The following CXCR3 variants were observed in gnomAD, a reference collection of about 807,000 sequenced individuals.
CXCR3 encodes the protein C-X-C motif chemokine receptor 3, also known as C-X-C chemokine receptor type 3.
For missense variants in CXCR3, 239 were observed against 310.2 expected (o/e 0.77, Z 1.72); for synonymous variants, 136 against 148.0 (o/e 0.92, Z 0.59).
chrX:71,617,229 C>A lies in CXCR3; in HGVS notation c.243G>T (p.Arg81=), dbSNP rs758505277. 13 of 1,198,657 alleles carry A rather than the reference C, an allele frequency of 1.1e-5. 1 individual carries two copies. The highest frequency in any genetic ancestry group is 9.1e-5 in the Admixed American group (4 of 43,966). ...NGAVAAVLLS[R]RTALSSTDTF... is the part of the protein sequence containing the mutation. ...TGTCGGTGCTGCTCAGGGCTGTCCG[C>A]CGGCTCAGCAGCACGGCTGCCACCG... Residue 81 remains arginine (R), a synonymous_variant, in exon 2 of 2, where the codon CGG becomes CGT. Coordinates refer to ENST00000373693, the MANE Select transcript of CXCR3 (RefSeq NM_001504.2).
rs1251674183 is a variant in CXCR3 at position 71,617,001 on chromosome X, G to C, written c.471C>G (p.Thr157=). Residue 157 remains threonine (T), a synonymous_variant, in exon 2 of 2, where the codon ACC becomes ACG. Coordinates refer to ENST00000373693, the MANE Select transcript of CXCR3 (RefSeq NM_001504.2). ...CCGGGGGCCCCCGGCGGTAGAGCTG[G>C]GTGGCATGAACTATGTTCAGGTAGC... ...FDRYLNIVHA[T]QLYRRGPPAR... The C allele has an allele frequency of 2.5e-6, 3 of 1,209,933 alleles. No individual in the cohort carries two copies. Among genetic ancestry groups the C allele is most frequent in the Non-Finnish European group, 3.4e-6 (3 of 894,440 alleles).
At chrX:71,617,789 C>T in intron 1 of CXCR3, 1 of 862,966 alleles carries the variant, frequency 1.2e-6, no homozygotes, top group Non-Finnish European at 1.5e-6. Flanking sequence ...TTCAGGCTTG[C>T]CTTGCGTCCT....
chrX:71,617,859 C>T (rs1222209325), intron 1 of CXCR3, among the ~76,000 whole-genome samples: 2 of 107,671 alleles, frequency 1.9e-5, no homozygotes, highest in Non-Finnish European at 3.9e-5. Flanking sequence ...TCTCCACAAT[C>T]CCCTTTTCCA....
chrX:71,616,155 C>T lies in CXCR3; in HGVS notation c.*210G>A, dbSNP rs1320776028. ...TGGGGCTCCAGGCAGCCACCTCGGG[C>T]GGCAGGATGGGGCTTGGCAGCTAAG... is the stretch of plus-strand genomic sequence containing the variant. On this transcript the variant is annotated 3_prime_UTR_variant, in exon 2 of 2. Transcript: ENST00000373693. 6 of 448,636 alleles carry T rather than the reference C, an allele frequency of 1.3e-5. No homozygotes were observed. The highest frequency in any genetic ancestry group is 6.3e-4 in the Middle Eastern group (1 of 1,583). The allele number at this position is 448,636 out of a possible 1,213,427, so 37.0% of individuals were successfully genotyped here.
intron 1 of CXCR3, among the ~76,000 whole-genome samples, chrX:71,617,938 C>T (rs1223554023): frequency 1.2e-4 from 12 of 96,431 alleles, no homozygotes; most frequent in Admixed American, 1.2e-3. Context: ...CCCCCCCCAC[C>T]GTGTGGCCTC....
Position 71,616,701 on chromosome X carries a change from C to T in CXCR3, c.771G>A (p.Val257=), listed in dbSNP as rs149567700. The T allele has an allele frequency of 4.6e-5, 56 of 1,208,434 alleles. No individual in the cohort carries two copies. Among genetic ancestry groups the T allele is most frequent in the Admixed American group, 1.1e-4 (5 of 45,788 alleles). ...GQRRLRAMRL[V]VVVVVAFALC... Reference sequence around the variant, plus strand: ...GGGCAAAGGCCACCACGACCACCACCACCAGCCGCATGGCCCGCAGGCGCC... The same window carrying T: ...GGGCAAAGGCCACCACGACCACCACTACCAGCCGCATGGCCCGCAGGCGCC... Residue 257 remains valine (V), a synonymous_variant, in exon 2 of 2, where the codon GTG becomes GTA. Coordinates refer to ENST00000373693, the MANE Select transcript of CXCR3 (RefSeq NM_001504.2).
rs771495235 is a variant in CXCR3, at chrX:71,616,310, G to A, written c.*55C>T. 1.1e-5 allele frequency: 13 copies of A among 1,132,991 alleles called. No homozygotes were observed. Among genetic ancestry groups the A allele is most frequent in the Middle Eastern group, 2.5e-4 (1 of 3,998 alleles). The allele number at this position is 1,132,991 out of a possible 1,213,427, so 93.4% of individuals were successfully genotyped here. Reference sequence around the variant, plus strand: ...CCAGAGCCGGCAGAGGGAGGGAGGAGCCTGGAATGCGGGGAAGTCAGACTG... The same window carrying A: ...CCAGAGCCGGCAGAGGGAGGGAGGAACCTGGAATGCGGGGAAGTCAGACTG... On this transcript the variant is annotated 3_prime_UTR_variant, in exon 2 of 2. Coordinates refer to ENST00000373693, the MANE Select transcript of CXCR3 (RefSeq NM_001504.2).
intron 1 of CXCR3, chrX:71,618,222 C>G: frequency 8.5e-6 from 1 of 117,128 alleles, no homozygotes; most frequent in Non-Finnish European, 1.5e-5. Flanking sequence ...GCAGACGAGA[C>G]ACCGAAGCCA....
chrX:71,618,481 G>T lies in CXCR3; in HGVS notation c.-32C>A. 1 of 1,054,049 alleles carries T rather than the reference G, an allele frequency of 9.5e-7. No homozygotes were observed. Among genetic ancestry groups the T allele is most frequent in the Non-Finnish European group, 1.3e-6 (1 of 751,815 alleles). The allele number at this position is 1,054,049 out of a possible 1,213,427, so 86.9% of individuals were successfully genotyped here. A position where few individuals can be genotyped will look rare whatever the true frequency, so the allele number is the denominator to read the frequency against. On this transcript the variant is annotated 5_prime_UTR_variant, in exon 1 of 2. Transcript: ENST00000373693. ...GCTGGTGCTCTGGCTGCTGGGTGGTGTGCTGCCTGCCCCTCTGCTTTGGTG... is the reference window on the plus strand; with the variant it reads ...GCTGGTGCTCTGGCTGCTGGGTGGTTTGCTGCCTGCCCCTCTGCTTTGGTG...
At position 71,617,014 on chromosome X, in the gene CXCR3, A is replaced by G; in HGVS notation, c.458T>C (p.Ile153Thr). ...GCGGTAGAGCTGGGTGGCATGAACT[A>G]TGTTCAGGTAGCGGTCAAAGCTGAT... ...ACISFDRYLN[I>T]VHATQLYRRG... is the part of the protein sequence containing the mutation. The change falls in exon 2 of 2, where the codon ATA becomes ACA. Residue 153 changes from isoleucine (I) to threonine (T), a missense_variant. Physicochemically the swap from Ile to Thr is moderately conservative, Grantham distance 89. Coordinates refer to ENST00000373693, the MANE Select transcript of CXCR3 (RefSeq NM_001504.2). 1 of 1,209,008 alleles carries G rather than the reference A, an allele frequency of 8.3e-7. No individual in the cohort carries two copies. Among genetic ancestry groups the G allele is most frequent in the Non-Finnish European group, 1.1e-6 (1 of 894,017 alleles).
At chrX:71,617,738 G>C in intron 1 of CXCR3, 1 of 1,067,069 alleles carries the variant, frequency 9.4e-7, no homozygotes, top group Non-Finnish European at 1.2e-6. Flanking sequence ...CCAGTGCCCA[G>C]AGCCCTCTCT....
Position 71,618,508 on chromosome X carries a change from T to C in CXCR3, c.-59A>G. On this transcript the variant is annotated 5_prime_UTR_variant, in exon 1 of 2. Transcript: ENST00000373693. ...GCTGCCTGCCCCTCTGCTTTGGTGC[T>C]TGTGGTTGGAAACCTGCAGTCACAG... 2.2e-6 allele frequency: 2 copies of C among 922,424 alleles called. No homozygotes were observed. The highest frequency in any genetic ancestry group is 3.2e-6 in the Non-Finnish European group (2 of 633,988). 76.0% of individuals were successfully genotyped at this position (922,424 alleles called of 1,213,427 possible).
intron 1 of CXCR3, 118 bp from the exon 2 acceptor site, chrX:71,617,577 C>T: frequency 3.5e-6 from 4 of 1,147,585 alleles, no homozygotes. Flanking sequence ...TAACTGTCCC[C>T]GCCAGTCTTC....
intron 1 of CXCR3, 198 bp downstream of exon 1, chrX:71,618,240 G>C (rs775718251): frequency 3.1e-4 from 54 of 174,337 alleles, no homozygotes; most frequent in Non-Finnish European, 4.4e-4. Flanking sequence ...CCAGAGAGGA[G>C]AGGAGAGGCA....
At chrX:71,617,797 C>T in intron 1 of CXCR3, 3 of 738,672 alleles carry the variant, frequency 4.1e-6, no homozygotes, top group Non-Finnish European at 5.6e-6. Flanking sequence ...TGCCTTGCGT[C>T]CTCAGTGCCC....
chrX:71,617,806 C>T lies in CXCR3; in HGVS notation c.13-347G>A, dbSNP rs760162722. ...CAGGCTTGCCTTGCGTCCTCAGTGC[C>T]CCACCCCCAACACATAGTTCAACCA... On this transcript the variant is annotated intron_variant, in intron 1 of 1. Coordinates refer to ENST00000373693, the MANE Select transcript of CXCR3 (RefSeq NM_001504.2). 1.3e-4 allele frequency: 87 copies of T among 689,838 alleles called. 1 individual carries two copies. In the African/African-American group the frequency reaches 1.8e-3, roughly 14 times the overall value. The allele number at this position is 689,838 out of a possible 1,213,427, so 56.9% of individuals were successfully genotyped here.
chrX:71,616,153 G>T lies in CXCR3; in HGVS notation c.*212C>A, dbSNP rs2040844331. ...AGTGGGGCTCCAGGCAGCCACCTCG[G>T]GCGGCAGGATGGGGCTTGGCAGCTA... On this transcript the variant is annotated 3_prime_UTR_variant, in exon 2 of 2. Transcript: ENST00000373693. 4.5e-6 allele frequency: 2 copies of T among 444,892 alleles called. No individual in the cohort carries two copies. Among genetic ancestry groups the T allele is most frequent in the Admixed American group, 5.0e-5 (1 of 19,858 alleles). The allele number at this position is 444,892 out of a possible 1,213,427, so 36.7% of individuals were successfully genotyped here.
intron 1 of CXCR3, chrX:71,617,748 T>C (rs1249968105): frequency 1.1e-5 from 11 of 1,035,926 alleles, no homozygotes; most frequent in Non-Finnish European, 1.4e-5. Flanking sequence ...GAGCCCTCTC[T>C]GCCCACTGTC....
rs890736906 is a variant in CXCR3 at position 71,616,885 on chromosome X, T to C, written c.587A>G (p.Glu196Gly). The C allele has an allele frequency of 4.1e-6, 5 of 1,207,684 alleles. No individual in the cohort carries two copies. Among genetic ancestry groups the C allele is most frequent in the Non-Finnish European group, 5.6e-6 (5 of 892,920 alleles). ...TTGGCAGTGGGTGGCGTTGAGGCGC[T>C]CGTCGTGGTGGGCCGACAGGAAGAT... ...DFIFLSAHHD[E>G]RLNATHCQYN... The change falls in exon 2 of 2, where the codon GAG becomes GGG. Residue 196 changes from glutamate to glycine, a missense_variant. By Grantham distance (98) the Glu-to-Gly change is moderately conservative. Transcript: ENST00000373693.
Sources: gnomAD v4.1 joint callset for allele counts (sites outside exome capture counted in the v4.1 genomes callset) on GRCh38, gnomAD v4.1.1 for gene constraint, MANE v1.5 for transcripts, NCBI Gene and HGNC (gene_info 2026-07-23, HGNC 2026-07-21) for gene names.